The following PTPRD variants were observed in gnomAD, a reference collection of about 807,000 sequenced individuals.
The protein encoded by PTPRD is protein tyrosine phosphatase receptor type D.
PTPRD carries 34 observed loss-of-function variants against 214.5 expected under a neutral mutation model. The ratio of observed to expected loss-of-function variants is 0.16; its 90% confidence interval spans 0.12 to 0.21. The LOEUF (loss-of-function observed/expected upper bound fraction) is 0.21, where lower values mean the gene tolerates loss of function less well. PTPRD is among the 10% of genes least tolerant of loss of function. The probability of loss-of-function intolerance (pLI) is 1.00; values close to 1 mark genes in which losing one functional copy is unlikely to be tolerated. For missense variants in PTPRD, 2,545 were observed against 2,398.7 expected (o/e 1.06, Z -1.27); for synonymous variants, 1,128 against 845.7 (o/e 1.33, Z -5.79).
chr9:8,476,782 C>A (rs1591515071), intron 30 of PTPRD, among the ~76,000 whole-genome samples: 1 of 152,122 alleles, frequency 6.6e-6, no homozygotes, highest in African/African-American at 2.4e-5. Flanking sequence ...AAAGTGGGTA[C>A]AAGAGGTGGC....
intron 3 of PTPRD, among the ~76,000 whole-genome samples, chr9:10,094,797 A>G (rs541122251): frequency 6.6e-6 from 1 of 151,604 alleles, no homozygotes; most frequent in African/African-American, 2.4e-5. Context: ...AAGAATTTCA[A>G]AAAATGTTTT....
At chr9:9,088,526 G>C (rs2099770773) in intron 10 of PTPRD, among the ~76,000 whole-genome samples, 1 of 140,264 alleles carries the variant, frequency 7.1e-6, no homozygotes, top group African/African-American at 2.7e-5. Flanking sequence ...GTTGCAGTGA[G>C]CTGAGATTGT....
At chr9:9,660,334 A>G (rs985232183) in intron 7 of PTPRD, among the ~76,000 whole-genome samples, 2 of 152,022 alleles carry the variant, frequency 1.3e-5, no homozygotes, top group Non-Finnish European at 2.9e-5. Context: ...TAGGGAGGTA[A>G]GGGGGCAAGC....
chr9:9,183,637 T>C (rs761992844), intron 9 of PTPRD, among the ~76,000 whole-genome samples: 8 of 152,058 alleles, frequency 5.3e-5, no homozygotes, highest in Non-Finnish European at 1.2e-4. Context: ...GAAACTAACA[T>C]GTCCACCATA....
At position 9,085,926 on chromosome 9, in the gene PTPRD, A is replaced by T. The variant is rs529132326; in HGVS notation, c.-142-67191T>A. Among the ~76,000 whole-genome samples, 5 of 152,292 alleles carry T rather than the reference A, an allele frequency of 3.3e-5. No individual in the cohort carries two copies. In the East Asian group the frequency reaches 7.7e-4, roughly 24 times the overall value. On this transcript the variant is annotated intron_variant, in intron 10 of 45. Transcript: ENST00000381196. ...ACTTGTGTCCAACCCTAAGCTGCTCACTTTTTAGCAGATGCTTGTGGTTTT... is the reference window on the plus strand; with the variant it reads ...ACTTGTGTCCAACCCTAAGCTGCTCTCTTTTTAGCAGATGCTTGTGGTTTT...
chr9:8,905,919 G>A (rs540404179), intron 11 of PTPRD, among the ~76,000 whole-genome samples: 23 of 152,194 alleles, frequency 1.5e-4, no homozygotes, highest in Admixed American at 1.1e-3. Flanking sequence ...ATTACCAAAT[G>A]CAAAAATAAA....
intron 5 of PTPRD, among the ~76,000 whole-genome samples, chr9:9,833,735 C>T (rs1291237340): frequency 6.6e-6 from 1 of 150,506 alleles, no homozygotes; most frequent in Non-Finnish European, 1.5e-5. Flanking sequence ...TTCTCAGGGA[C>T]GTTCCATGCT....
chr9:8,639,788 T>G (rs1235097497), intron 12 of PTPRD, among the ~76,000 whole-genome samples: 1 of 152,128 alleles, frequency 6.6e-6, no homozygotes, highest in African/African-American at 2.4e-5. Context: ...TGAGGACAAG[T>G]CAAATTAAAC....
chr9:9,245,808 G>T (rs1010675905), intron 9 of PTPRD, among the ~76,000 whole-genome samples: 1 of 152,000 alleles, frequency 6.6e-6, no homozygotes, highest in Non-Finnish European at 1.5e-5. Flanking sequence ...TTTGTCACAT[G>T]CCCAGGAACG....
intron 3 of PTPRD, among the ~76,000 whole-genome samples, chr9:10,038,532 C>T (rs2097232210): frequency 6.6e-6 from 1 of 151,992 alleles, no homozygotes; most frequent in Non-Finnish European, 1.5e-5. Context: ...GTAGTTACTC[C>T]ACAACCTCAT....
chr9:9,771,677 A>G (rs956355663), intron 5 of PTPRD, among the ~76,000 whole-genome samples: 1 of 152,176 alleles, frequency 6.6e-6, no homozygotes, highest in East Asian at 1.9e-4. Flanking sequence ...ATACAACCCA[A>G]TTTCAAGAGC....
At chr9:9,914,441 C>T (rs1446632316) in intron 5 of PTPRD, among the ~76,000 whole-genome samples, 2 of 152,206 alleles carry the variant, frequency 1.3e-5, no homozygotes, top group Non-Finnish European at 2.9e-5. Flanking sequence ...GTAGCCACGT[C>T]AGGGGCCTAA....
intron 35 of PTPRD, among the ~76,000 whole-genome samples, chr9:8,407,987 A>G (rs942591458): frequency 2.6e-5 from 4 of 152,226 alleles, no homozygotes; most frequent in Admixed American, 6.5e-5. Context: ...CTGGTTGAGG[A>G]AAATCAAATT....
At chr9:9,955,532 T>TG (rs2154008687) in intron 4 of PTPRD, among the ~76,000 whole-genome samples, 3 of 128,948 alleles carry the variant, frequency 2.3e-5, no homozygotes, top group Admixed American at 2.3e-4. Context: ...TTTTGTTTTT[T>TG]TTTTTTTTTG....
At chr9:10,292,860 G>A (rs550165056) in intron 3 of PTPRD, among the ~76,000 whole-genome samples, 104 of 151,762 alleles carry the variant, frequency 6.9e-4, no homozygotes, top group African/African-American at 2.3e-3. Context: ...CACTTAATGA[G>A]TGTTATAATG....
intron 23 of PTPRD, 86 bp downstream of exon 23, chr9:8,504,175 A>T: frequency 3.8e-6 from 5 of 1,314,684 alleles, no homozygotes; most frequent in Non-Finnish European, 5.5e-6. Context: ...GCATATTAGC[A>T]GGTTTGCTTA....
At chr9:9,924,714 T>A (rs1361053362) in intron 5 of PTPRD, among the ~76,000 whole-genome samples, 1 of 152,128 alleles carries the variant, frequency 6.6e-6, no homozygotes, top group African/African-American at 2.4e-5. Context: ...TAGATGTTCT[T>A]ATTGTCCTTC....
chr9:10,019,897 G>C (rs2096811206), intron 4 of PTPRD, among the ~76,000 whole-genome samples: 2 of 150,904 alleles, frequency 1.3e-5, no homozygotes. Flanking sequence ...CATGCATGTT[G>C]TGCACATGTA....
intron 5 of PTPRD, chr9:9,799,465 C>T (rs1598188870): frequency 6.6e-6 from 1 of 152,240 alleles, no homozygotes; most frequent in East Asian, 1.9e-4. Context: ...CCAAATACTT[C>T]TAAAAATGAA....
Sources: allele counts gnomAD v4.1 joint callset (sites outside exome capture counted in the v4.1 genomes callset), GRCh38; gene constraint gnomAD v4.1.1; transcripts MANE v1.5; gene names NCBI Gene and HGNC (gene_info 2026-07-23, HGNC 2026-07-21).